Variants in RNF213 observed in about 807,000 individuals in gnomAD.
RNF213 encodes E3 ubiquitin-protein ligase RNF213.
In RNF213, 341 loss-of-function variants were observed where a neutral mutation model predicts 514.4. The ratio of observed to expected loss-of-function variants is 0.66; its 90% CI spans 0.61 to 0.73. The LOEUF is 0.73. Ranked by LOEUF, RNF213 falls within the 30% of genes least tolerant of loss-of-function variation. The pLI is 0.00. For missense variants in RNF213, 5,767 were observed against 6,615.6 expected, an observed-to-expected ratio of 0.87 and a Z score of 4.45; for synonymous variants, 2,655 against 2,658.2, an observed-to-expected ratio of 1.00 and a Z score of 0.04.
chr17:80,288,330 C>T lies in RNF213; in HGVS notation c.777C>T (p.Thr259=). The part of the protein sequence containing the change: ...GSSEPGTELQ[T]TEQQAGASAS... ...CTGAGCCCGGGACAGAACTGCAGAC[C>T]ACCGAGCAACAGGCAGGGGCCTCAG... is the stretch of plus-strand genomic sequence containing the variant. Residue 259 remains threonine, a synonymous_variant, in exon 4 of 68, where the codon ACC becomes ACT. Coordinates refer to ENST00000582970, the MANE Select transcript of RNF213 (RefSeq NM_001256071.3). The surrounding 1 kb of genome is among the most constrained non-coding windows in gnomAD (Gnocchi z 4.9). The T allele has an allele frequency of 6.2e-7, 1 of 1,612,776 alleles. No individual in the cohort carries two copies. The highest frequency in any genetic ancestry group is 2.2e-5 in the East Asian group (1 of 44,892).
chr17:80,261,240 G>A (rs1407381335), intron 1 of RNF213, among the ~76,000 whole-genome samples: 1 of 152,200 alleles, frequency 6.6e-6, no homozygotes, highest in African/African-American at 2.4e-5. Flanking sequence ...GGCACGGGGG[G>A]TGTAGTGGAA....
At chr17:80,295,308 T>G (rs537245626) in intron 9 of RNF213, among the ~76,000 whole-genome samples, 3 of 152,256 alleles carry the variant, frequency 2.0e-5, no homozygotes, top group African/African-American at 7.2e-5. Context: ...CGGTGCAGCC[T>G]GGGTGGGTTT....
intron 25 of RNF213, 104 bp downstream of exon 25, chr17:80,338,101 T>C: frequency 7.3e-7 from 1 of 1,364,686 alleles, no homozygotes; most frequent in Non-Finnish European, 1.0e-6. Flanking sequence ...GGGATTTGAC[T>C]GATAAGAAGG....
Position 80,347,238 on chromosome 17 carries a change from A to G in RNF213, c.8903A>G (p.Lys2968Arg). ...SLIKMVFAAA[K>R]ASNRKPSPQD... ...ATCAAAATGGTCTTTGCTGCAGCAAAGGCTTCAAATAGAAAGCCTTCCCCG... is the reference window on the plus strand; with the variant it reads ...ATCAAAATGGTCTTTGCTGCAGCAAGGGCTTCAAATAGAAAGCCTTCCCCG... The change falls in exon 29 of 68, where the codon AAG becomes AGG. Residue 2968 changes from lysine to arginine, a missense_variant. Transcript: ENST00000582970. The surrounding 1 kb of genome is among the most constrained non-coding windows in gnomAD (Gnocchi z 7.2). 6.2e-7 allele frequency: 1 copy of G among 1,613,332 alleles called. No individual in the cohort carries two copies. The highest frequency in any genetic ancestry group is 8.5e-7 in the Non-Finnish European group (1 of 1,179,726).
At chr17:80,313,845 GTACTGGAGGTGA>G (rs2045692688) in intron 15 of RNF213, among the ~76,000 whole-genome samples, 1 of 132,926 alleles carries the variant, frequency 7.5e-6, no homozygotes, top group Non-Finnish European at 1.6e-5. Context: ...GATGGTGGAG[GTACTGGAGGTGA>G]TGGTGGTGGT....
At chr17:80,275,291 C>T (rs554448043) in intron 3 of RNF213, among the ~76,000 whole-genome samples, 3 of 151,820 alleles carry the variant, frequency 2.0e-5, no homozygotes, top group South Asian at 2.1e-4. Context: ...ACATGGGATG[C>T]GGAAGGTTTG....
In RNF213 at chr17:80,372,710, C is replaced by T. The variant is rs773529074; in HGVS notation, c.12727C>T (p.Leu4243Phe). The change falls in exon 48 of 68, where the codon CTC becomes TTC. Residue 4243 changes from leucine to phenylalanine, a missense_variant. Around this residue, in one of 13 missense-constraint regions of RNF213, gnomAD observed 1,245 missense variants for 1,339.0 expected, o/e 0.93. Transcript: ENST00000582970. ...CTGCCTCGACAGAGCTGCAGATTTC[C>T]TCTCGGAGCCTGAGGGAGGCCCAGG... Reference protein sequence around the residue: ...RLCLDRAADFLSEPEGGPEMA... With the variant: ...RLCLDRAADFFSEPEGGPEMA... 1.9e-6 allele frequency: 3 copies of T among 1,613,590 alleles called. No individual in the cohort carries two copies. The South Asian group carries it at 3.3e-5, about 18-fold the overall frequency.
rs2045361197 is a variant in RNF213 at position 80,306,442 on chromosome 17, G to A, written c.2401G>A (p.Gly801Arg). The A allele has an allele frequency of 6.2e-7, 1 of 1,613,964 alleles. No individual in the cohort carries two copies. Among genetic ancestry groups the A allele is most frequent in the Non-Finnish European group, 8.5e-7 (1 of 1,180,036 alleles). The change falls in exon 12 of 68, where the codon GGA becomes AGA. Residue 801 changes from glycine to arginine, a missense_variant. By Grantham distance (125) the Gly-to-Arg change is moderately radical. Coordinates refer to ENST00000582970, the MANE Select transcript of RNF213 (RefSeq NM_001256071.3). Reference sequence around the variant, plus strand: ...TTCAGGGATTTACTACCGGCTTCCGGGACTTGAGCAAGTCTTGAATACGCA... The same window carrying A: ...TTCAGGGATTTACTACCGGCTTCCGAGACTTGAGCAAGTCTTGAATACGCA... ...CLSGIYYRLPGLEQVLNTQDV... is the reference protein window; with the variant it reads ...CLSGIYYRLPRLEQVLNTQDV...
intron 46 of RNF213, 27 bp downstream of exon 46, chr17:80,369,894 T>C (rs1568146697): frequency 1.4e-6 from 2 of 1,473,000 alleles, no homozygotes; most frequent in Non-Finnish European, 9.5e-7. Flanking sequence ...GACTTGCTTC[T>C]GGAAAGCCCT....
At chr17:80,385,268 C>T (rs1029454326) in intron 60 of RNF213, 97 bp downstream of exon 60, 10 of 1,433,522 alleles carry the variant, frequency 7.0e-6, no homozygotes, top group African/African-American at 1.4e-5. Context: ...GGGGAGGAGG[C>T]GCTGATGGGT....
At chr17:80,349,400 C>T (rs928954038) in intron 29 of RNF213, among the ~76,000 whole-genome samples, 1 of 152,108 alleles carries the variant, frequency 6.6e-6, no homozygotes, top group Admixed American at 6.6e-5. Context: ...GGGGACAGCA[C>T]CAACCACGAA....
chr17:80,322,975 T>C (rs2046186136), intron 17 of RNF213, among the ~76,000 whole-genome samples: 1 of 152,244 alleles, frequency 6.6e-6, no homozygotes, highest in African/African-American at 2.4e-5. Flanking sequence ...GAAGATTTAC[T>C]CCTATGTTTA....
rs755326317 is a variant in RNF213, at chr17:80,294,730, G to A, written c.1482G>A (p.Gln494=). Reference sequence around the variant, plus strand: ...TTCTGTCCCTCTTAGACTGGCATCAGTACTATGACATAGTTTATATGAAGC... The same window carrying A: ...TTCTGTCCCTCTTAGACTGGCATCAATACTATGACATAGTTTATATGAAGC... ...SSLLGSGDWH[Q]YYDIVYMKPH... The change falls in exon 9 of 68, where the codon CAG becomes CAA. Residue 494 remains glutamine, a synonymous_variant. Coordinates refer to ENST00000582970, the MANE Select transcript of RNF213 (RefSeq NM_001256071.3). 7 of 1,613,982 alleles carry A rather than the reference G, an allele frequency of 4.3e-6. No homozygotes were observed. The highest frequency in any genetic ancestry group is 5.9e-6 in the Non-Finnish European group (7 of 1,180,040).
intron 10 of RNF213, 111 bp from the exon 11 acceptor site, chr17:80,298,210 G>T: frequency 9.0e-7 from 1 of 1,115,288 alleles, no homozygotes; most frequent in Non-Finnish European, 1.3e-6. Flanking sequence ...CACGCGCGGT[G>T]CTCCTCTTGC....
intron 67 of RNF213, among the ~76,000 whole-genome samples, chr17:80,392,905 T>C (rs557211177): frequency 3.6e-4 from 55 of 152,084 alleles, no homozygotes; most frequent in Non-Finnish European, 7.1e-4. Context: ...TTTTAAGTCT[T>C]AACGAGCATT....
rs1235719602 is a variant in RNF213 at position 80,353,454 on chromosome 17, T to C, written c.10424-58T>C. On this transcript the variant is annotated intron_variant, in intron 33 of 67. Transcript: ENST00000582970. The surrounding 1 kb of genome is among the most constrained non-coding windows in gnomAD (Gnocchi z 5.0). Reference sequence around the variant, plus strand: ...CACACAGACTCCCAGATGGCACCGCTGCCAGTCCCTGTGCCACCTTCTGAG... The same window carrying C: ...CACACAGACTCCCAGATGGCACCGCCGCCAGTCCCTGTGCCACCTTCTGAG... 1 of 1,552,544 alleles carries C rather than the reference T, an allele frequency of 6.4e-7. No homozygotes were observed. Among genetic ancestry groups the C allele is most frequent in the Non-Finnish European group, 8.7e-7 (1 of 1,144,350 alleles).
chr17:80,267,834 T>TC (rs1451842104), intron 2 of RNF213, among the ~76,000 whole-genome samples: 3 of 151,462 alleles, frequency 2.0e-5, no homozygotes, highest in Admixed American at 1.3e-4. Flanking sequence ...CTTTTTTTTT[T>TC]TTTGAGACAG....
chr17:80,327,725 G>A, intron 18 of RNF213, 91 bp from the exon 19 acceptor site: 1 of 1,158,766 alleles, frequency 8.6e-7, no homozygotes, highest in Non-Finnish European at 1.2e-6. Flanking sequence ...AGTGGGGGCA[G>A]AACAAGAGGT....
intron 42 of RNF213, 32 bp from the exon 43 acceptor site, chr17:80,367,714 CCT>C: frequency 4.4e-6 from 7 of 1,582,262 alleles, no homozygotes; most frequent in Non-Finnish European, 6.1e-6. Flanking sequence ...AGCCCTCCCC[CCT>C]GCTAATGACT....
Sources: gnomAD v4.1 joint callset for allele counts (sites outside exome capture counted in the v4.1 genomes callset) on GRCh38, gnomAD v4.1.1 for gene constraint, gnomAD v4.1.1 regional missense constraint, Gnocchi (gnomAD v3.1) non-coding constraint, MANE v1.5 for transcripts, NCBI Gene and HGNC (gene_info 2026-07-23, HGNC 2026-07-21) for gene names.